DENND1B: variants seen among roughly 807,000 people sequenced by gnomAD.
DENND1B encodes the protein DENN domain containing 1B, also known as DENN domain-containing protein 1B.
DENND1B carries 59 observed loss-of-function variants against 90.1 expected under a neutral mutation model. That is an observed-to-expected ratio of 0.65 (90% CI 0.53 to 0.81). The LOEUF is 0.81. DENND1B is among the 40% of genes least tolerant of loss of function. DENND1B has a pLI of 0.00. For synonymous variants in DENND1B, 337 were observed against 324.6 expected, an observed-to-expected ratio of 1.04 and a Z score of -0.41; for missense variants, 862 against 912.6, an observed-to-expected ratio of 0.94 and a Z score of 0.71.
intron 15 of DENND1B, among the ~76,000 whole-genome samples, chr1:197,566,378 T>C (rs1316593014): frequency 2.6e-5 from 4 of 152,088 alleles, no homozygotes; most frequent in Admixed American, 6.6e-5. Context: ...TCATTGTAGA[T>C]TCTGGATATT....
rs1668137507 is a variant in DENND1B, at chr1:197,512,978, T to C, written c.1516-25A>G. 3 of 1,591,126 alleles carry C rather than the reference T, an allele frequency of 1.9e-6. No homozygotes were observed. The East Asian group carries it at 6.8e-5, about 36-fold the overall frequency. ...CCTGGAGAGAGAGATTGACAATAAATTGGCATTAGCAGTTTAAAATAAGTC... is the reference window on the plus strand; with the variant it reads ...CCTGGAGAGAGAGATTGACAATAAACTGGCATTAGCAGTTTAAAATAAGTC... On this transcript the variant is annotated intron_variant, in intron 20 of 22. Coordinates refer to ENST00000620048, the MANE Select transcript of DENND1B (RefSeq NM_001195215.2).
At chr1:197,727,534 C>CAA (rs371522158) in intron 2 of DENND1B, among the ~76,000 whole-genome samples, 2 of 110,386 alleles carry the variant, frequency 1.8e-5, no homozygotes, top group Non-Finnish European at 3.8e-5. Context: ...GACTCCTTCT[C>CAA]AAAAAAAAAA....
In DENND1B at chr1:197,758,987, T is replaced by A. The variant is rs930268914; in HGVS notation, c.82+13881A>T. Among the ~76,000 whole-genome samples, 668 of 116,396 alleles carry A rather than the reference T, an allele frequency of 5.7e-3. 8 individuals are homozygous for A. Among genetic ancestry groups the A allele is most frequent in the African/African-American group, 0.017 (621 of 35,770 alleles). 76.4% of individuals were successfully genotyped at this position (116,396 alleles called of 152,430 possible). ...TTTTTTTTTTTTTTTTTTTTTTTTT[T>A]AAGATGGAGTCTCTCTCTGTCGCCC... is the stretch of plus-strand genomic sequence containing the variant. On this transcript the variant is annotated intron_variant, in intron 2 of 22. Transcript: ENST00000620048.
intron 6 of DENND1B, among the ~76,000 whole-genome samples, chr1:197,655,778 C>T (rs185228623): frequency 1.2e-4 from 19 of 152,098 alleles, no homozygotes; most frequent in African/African-American, 3.1e-4. Flanking sequence ...GTGATCCGCC[C>T]GCCTCGGCCT....
chr1:197,719,001 A>T (rs1175419130), intron 2 of DENND1B, among the ~76,000 whole-genome samples: 7 of 152,108 alleles, frequency 4.6e-5, no homozygotes. Flanking sequence ...TATCTAAAAG[A>T]AATCCTCAAA....
chr1:197,566,363 T>G (rs1244239920), intron 15 of DENND1B, among the ~76,000 whole-genome samples: 1 of 152,112 alleles, frequency 6.6e-6, no homozygotes, highest in Non-Finnish European at 1.5e-5. Context: ...TAAATTTGTT[T>G]GAGTTCATTG....
At chr1:197,624,107 G>C (rs1174263021) in intron 10 of DENND1B, among the ~76,000 whole-genome samples, 1 of 151,538 alleles carries the variant, frequency 6.6e-6, no homozygotes, top group Non-Finnish European at 1.5e-5. Flanking sequence ...AAAAGACACA[G>C]AATAGTCAAC....
At chr1:197,577,325 T>G (rs917874357) in intron 15 of DENND1B, among the ~76,000 whole-genome samples, 1 of 152,162 alleles carries the variant, frequency 6.6e-6, no homozygotes, top group Non-Finnish European at 1.5e-5. Context: ...TATAAATGTT[T>G]TGGAAAAATG....
chr1:197,555,831 C>T (rs926513313), intron 15 of DENND1B, among the ~76,000 whole-genome samples: 2 of 151,944 alleles, frequency 1.3e-5, no homozygotes, highest in African/African-American at 2.4e-5. Flanking sequence ...AATTACCATT[C>T]GATCCAGCAA....
At chr1:197,594,037 T>G (rs1219666362) in intron 14 of DENND1B, among the ~76,000 whole-genome samples, 1 of 152,154 alleles carries the variant, frequency 6.6e-6, no homozygotes, top group Non-Finnish European at 1.5e-5. Context: ...AACAACTTTT[T>G]AAGACTCCCC....
At chr1:197,673,039 T>C (rs1477964411) in intron 4 of DENND1B, among the ~76,000 whole-genome samples, 1 of 152,028 alleles carries the variant, frequency 6.6e-6, no homozygotes, top group Admixed American at 6.6e-5. Context: ...GGAAATAAAT[T>C]ACTGCCAGTA....
At chr1:197,676,972 A>G (rs1656145586) in intron 3 of DENND1B, among the ~76,000 whole-genome samples, 1 of 152,132 alleles carries the variant, frequency 6.6e-6, no homozygotes. Flanking sequence ...TGATCAACTG[A>G]AAAGGAAAAC....
chr1:197,678,979 C>T (rs188093121), intron 3 of DENND1B, among the ~76,000 whole-genome samples: 1 of 152,116 alleles, frequency 6.6e-6, no homozygotes, highest in East Asian at 1.9e-4. Flanking sequence ...CTATTTTACC[C>T]CTCCTCCTTA....
chr1:197,627,044 C>T (rs183812935), intron 10 of DENND1B, among the ~76,000 whole-genome samples: 1 of 152,150 alleles, frequency 6.6e-6, no homozygotes, highest in East Asian at 1.9e-4. Context: ...CAGTAGCTTA[C>T]CAAACCAAAA....
chr1:197,723,300 G>C (rs1661347590), intron 2 of DENND1B, among the ~76,000 whole-genome samples: 1 of 152,116 alleles, frequency 6.6e-6, no homozygotes, highest in Non-Finnish European at 1.5e-5. Flanking sequence ...CAGGGCTAAT[G>C]GGTGAGAATT....
chr1:197,559,146 A>C (rs1240608393), intron 15 of DENND1B, among the ~76,000 whole-genome samples: 2 of 151,994 alleles, frequency 1.3e-5, no homozygotes, highest in African/African-American at 4.8e-5. Flanking sequence ...TAAAAATCCT[A>C]AAACAAGTTA....
intron 2 of DENND1B, among the ~76,000 whole-genome samples, chr1:197,758,987 T>TTTA (rs1654661174): frequency 8.6e-6 from 1 of 116,316 alleles, no homozygotes; most frequent in African/African-American, 2.8e-5. Flanking sequence ...TTTTTTTTTT[T>TTTA]AAGATGGAGT....
chr1:197,554,372 T>A (rs2125688756), intron 15 of DENND1B, among the ~76,000 whole-genome samples: 1 of 152,036 alleles, frequency 6.6e-6, no homozygotes, highest in East Asian at 1.9e-4. Flanking sequence ...AACTAACTAA[T>A]CCTGACCATT....
At chr1:197,751,227 G>C (rs1653464900) in intron 2 of DENND1B, among the ~76,000 whole-genome samples, 1 of 152,146 alleles carries the variant, frequency 6.6e-6, no homozygotes, top group African/African-American at 2.4e-5. Context: ...AAGTCATACA[G>C]AGTATGTTCT....
Sources: allele counts gnomAD v4.1 joint callset (sites outside exome capture counted in the v4.1 genomes callset), GRCh38; gene constraint gnomAD v4.1.1; transcripts MANE v1.5; gene names NCBI Gene and HGNC (gene_info 2026-07-23, HGNC 2026-07-21).